ETV6: variants seen among roughly 807,000 people sequenced by gnomAD.
ETV6 encodes transcription factor ETV6.
In ETV6, 16 loss-of-function variants were observed where a neutral mutation model predicts 51.1. The observed-to-expected ratio is 0.31, with a 90% CI of 0.21 to 0.48. The LOEUF (loss-of-function observed/expected upper bound fraction) is 0.48, where lower values mean the gene tolerates loss of function less well. Ranked by LOEUF, ETV6 falls within the 20% of genes least tolerant of loss-of-function variation. The pLI is 0.99. For synonymous variants in ETV6, 240 were observed against 224.1 expected, an observed-to-expected ratio of 1.07 and a Z score of -0.64; for missense variants, 458 against 594.8, an observed-to-expected ratio of 0.77 and a Z score of 2.39.
At chr12:11,679,968 C>T (rs532009552) in intron 1 of ETV6, among the ~76,000 whole-genome samples, 7 of 152,230 alleles carry the variant, frequency 4.6e-5, no homozygotes, top group Non-Finnish European at 8.8e-5. Context: ...GAGACTAACA[C>T]TTGGCTGGGA....
chr12:11,868,291 TCTC>T (rs1204541783), intron 4 of ETV6, among the ~76,000 whole-genome samples: 2 of 152,168 alleles, frequency 1.3e-5, no homozygotes, highest in Admixed American at 6.5e-5. Flanking sequence ...GGTTCTATAA[TCTC>T]CTAACTGGCT....
chr12:11,826,571 A>G (rs1946156511), intron 2 of ETV6: 1 of 151,868 alleles, frequency 6.6e-6, no homozygotes, highest in African/African-American at 2.4e-5. Context: ...ATTCCTCCCC[A>G]CTCATTCATC....
chr12:11,767,900 G>A (rs968293003), intron 2 of ETV6, among the ~76,000 whole-genome samples: 1 of 152,120 alleles, frequency 6.6e-6, no homozygotes, highest in African/African-American at 2.4e-5. Flanking sequence ...GTTTTGAGGG[G>A]GTCTCTGAAT....
At chr12:11,846,063 T>G (rs1313749700) in intron 3 of ETV6, among the ~76,000 whole-genome samples, 6 of 151,564 alleles carry the variant, frequency 4.0e-5, no homozygotes, top group Non-Finnish European at 7.4e-5. Context: ...ATTACAGGAA[T>G]GGGCATGTTA....
chr12:11,673,597 A>G (rs1050237736), intron 1 of ETV6, among the ~76,000 whole-genome samples: 1 of 152,174 alleles, frequency 6.6e-6, no homozygotes, highest in African/African-American at 2.4e-5. Flanking sequence ...AGTATGTTGG[A>G]TGAGTGAATC....
In ETV6 at chr12:11,768,822, G is replaced by C. The variant is rs977086580; in HGVS notation, c.163+16243G>C. 2.3e-5 allele frequency: 10 copies of C among 429,844 alleles called. 1 individual carries two copies. The highest frequency in any genetic ancestry group is 1.7e-4 in the South Asian group (10 of 58,740). The allele number at this position is 429,844 out of a possible 1,614,324, so 26.6% of individuals were successfully genotyped here. The stretch of plus-strand genomic sequence containing the variant: ...AGCTCTGTCCACACCTTGCATATTA[G>C]GACAGAAATCTGCCTACCACATTCC... On this transcript the variant is annotated intron_variant, in intron 2 of 7. Coordinates refer to ENST00000396373, the MANE Select transcript of ETV6 (RefSeq NM_001987.5).
At chr12:11,863,797 G>A (rs1479334451) in intron 4 of ETV6, among the ~76,000 whole-genome samples, 1 of 152,148 alleles carries the variant, frequency 6.6e-6, no homozygotes, top group African/African-American at 2.4e-5. Context: ...TAACAGAGGC[G>A]GCAGGCAGCA....
intron 1 of ETV6, among the ~76,000 whole-genome samples, chr12:11,742,479 T>G (rs1591643576): frequency 6.6e-6 from 1 of 152,218 alleles, no homozygotes; most frequent in East Asian, 1.9e-4. Context: ...AAAAAATTTT[T>G]TTAAAGGAAA....
At chr12:11,664,318 G>C (rs548922490) in intron 1 of ETV6, among the ~76,000 whole-genome samples, 2 of 152,056 alleles carry the variant, frequency 1.3e-5, no homozygotes, top group African/African-American at 2.4e-5. Context: ...GAGTCTTATT[G>C]TTATTGTTTT....
intron 7 of ETV6, 139 bp downstream of exon 7, chr12:11,886,165 A>G (rs1947179846): frequency 7.4e-6 from 5 of 671,878 alleles, no homozygotes; most frequent in Non-Finnish European, 1.3e-5. Flanking sequence ...ACTGGATACC[A>G]GGTACTGGTT....
At chr12:11,882,558 G>C (rs999651365) in intron 5 of ETV6, among the ~76,000 whole-genome samples, 1 of 152,220 alleles carries the variant, frequency 6.6e-6, no homozygotes, top group African/African-American at 2.4e-5. Flanking sequence ...GTAAGGGTCA[G>C]ATGTAACCAG....
At chr12:11,760,047 C>T (rs1945062820) in intron 2 of ETV6, among the ~76,000 whole-genome samples, 1 of 152,192 alleles carries the variant, frequency 6.6e-6, no homozygotes, top group Non-Finnish European at 1.5e-5. Flanking sequence ...TTCTGATTCT[C>T]AGTTGCCTGT....
chr12:11,761,707 A>C (rs1945088167), intron 2 of ETV6, among the ~76,000 whole-genome samples: 1 of 152,166 alleles, frequency 6.6e-6, no homozygotes, highest in Non-Finnish European at 1.5e-5. Flanking sequence ...CAGTTCCTTG[A>C]GCTCTGGTTC....
At chr12:11,854,996 T>TATAA (rs1241087017) in intron 4 of ETV6, among the ~76,000 whole-genome samples, 2 of 151,576 alleles carry the variant, frequency 1.3e-5, no homozygotes, top group African/African-American at 2.4e-5. Flanking sequence ...AGAAATAGAG[T>TATAA]ATAAAAACCT....
At chr12:11,862,446 T>C (rs925835460) in intron 4 of ETV6, among the ~76,000 whole-genome samples, 1 of 152,100 alleles carries the variant, frequency 6.6e-6, no homozygotes, top group South Asian at 2.1e-4. Context: ...ACAACAGATA[T>C]TTATTATCTC....
Position 11,803,696 on chromosome 12 carries a change from G to C in ETV6, c.164-35444G>C, listed in dbSNP as rs377420011. Among the ~76,000 whole-genome samples the C allele has an allele frequency of 1.9e-4, 29 of 152,212 alleles. No homozygotes were observed. In the South Asian group the frequency reaches 2.7e-3, roughly 14 times the overall value. ...CAGAGGAAGAATAAGAATAGGGCCT[G>C]TTTAAATTTTTTGCAACATGATTAC... On this transcript the variant is annotated intron_variant, in intron 2 of 7. Transcript: ENST00000396373.
intron 1 of ETV6, among the ~76,000 whole-genome samples, chr12:11,699,187 C>A (rs755668257): frequency 1.3e-5 from 2 of 152,152 alleles, no homozygotes; most frequent in Non-Finnish European, 2.9e-5. Flanking sequence ...TTGAGCCAGG[C>A]TTTCTCATTT....
At chr12:11,882,714 A>G (rs1042994768) in intron 5 of ETV6, among the ~76,000 whole-genome samples, 7 of 152,186 alleles carry the variant, frequency 4.6e-5, no homozygotes, top group Non-Finnish European at 1.0e-4. Flanking sequence ...AAGTGAGGCA[A>G]CAGAACCTCA....
At chr12:11,724,374 G>T (rs1007457671) in intron 1 of ETV6, among the ~76,000 whole-genome samples, 6 of 152,230 alleles carry the variant, frequency 3.9e-5, no homozygotes, top group African/African-American at 1.4e-4. Context: ...AGCCGATCAC[G>T]TGGAGTGGGC....
Sources: gnomAD v4.1 joint callset for allele counts (sites outside exome capture counted in the v4.1 genomes callset) on GRCh38, gnomAD v4.1.1 for gene constraint, MANE v1.5 for transcripts, NCBI Gene and HGNC (gene_info 2026-07-23, HGNC 2026-07-21) for gene names.